FBN3: variants seen among roughly 807,000 people sequenced by gnomAD.
The protein encoded by FBN3 is fibrillin 3, also known as fibrillin-3.
FBN3 carries 234 observed loss-of-function variants against 330.1 expected under a neutral mutation model. The observed-to-expected ratio is 0.71, with a 90% CI of 0.64 to 0.79. FBN3 has a LOEUF of 0.79. FBN3 is among the 30% of genes least tolerant of loss of function. The pLI is 0.00. For synonymous variants in FBN3, 1,458 were observed against 1,517.3 expected, an observed-to-expected ratio of 0.96 and a Z score of 0.91; for missense variants, 3,606 against 3,886.9, an observed-to-expected ratio of 0.93 and a Z score of 1.92.
chr19:8,086,961 C>A, intron 54 of FBN3, 116 bp downstream of exon 54: 1 of 1,316,398 alleles, frequency 7.6e-7, no homozygotes, highest in Non-Finnish European at 1.0e-6. Flanking sequence ...TCGCCTCAGC[C>A]TCCCAAAGTG....
rs903712817 is a variant in FBN3 at position 8,121,545 on chromosome 19, T to C, written c.3083-159A>G. Among the ~76,000 whole-genome samples the C allele has an allele frequency of 1.3e-5, 2 of 151,908 alleles. No homozygotes were observed. Among genetic ancestry groups the C allele is most frequent in the African/African-American group, 4.8e-5 (2 of 41,350 alleles). On this transcript the variant is annotated intron_variant, in intron 24 of 63. Transcript: ENST00000600128. The surrounding 1 kb of genome is among the most constrained non-coding windows in gnomAD (Gnocchi z 4.5). ...CAAGAGGGGAGGCATGATGCAGGCATGATGGGGTGCCGTATGGGGTCATCG... is the reference window on the plus strand; with the variant it reads ...CAAGAGGGGAGGCATGATGCAGGCACGATGGGGTGCCGTATGGGGTCATCG...
intron 55 of FBN3, among the ~76,000 whole-genome samples, chr19:8,085,924 G>A (rs1448937148): frequency 2.0e-5 from 3 of 151,444 alleles, no homozygotes; most frequent in Non-Finnish European, 4.4e-5. Flanking sequence ...TGGGTTGCCC[G>A]TCAGTGCCGC....
At chr19:8,083,800 T>TTTTTCTTTTC (rs1568367142) in intron 56 of FBN3, among the ~76,000 whole-genome samples, 1 of 129,860 alleles carries the variant, frequency 7.7e-6, no homozygotes, top group Non-Finnish European at 1.8e-5. Flanking sequence ...GTCCTACTAT[T>TTTTTCTTTTC]TTTTCTTTTT....
chr19:8,066,360 A>G (rs2081391033), intron 63 of FBN3, 100 bp from the exon 64 acceptor site: 1 of 862,868 alleles, frequency 1.2e-6, no homozygotes, highest in Non-Finnish European at 1.8e-6. Context: ...GATTCTGGCC[A>G]ATCTCTAAAG....
chr19:8,099,015 T>C (rs1165531237), intron 41 of FBN3, among the ~76,000 whole-genome samples: 2 of 152,182 alleles, frequency 1.3e-5, no homozygotes, highest in African/African-American at 4.8e-5. Context: ...CAGCAGATAG[T>C]AACCTGGCCG....
intron 40 of FBN3, among the ~76,000 whole-genome samples, chr19:8,101,353 G>A (rs1277129273): frequency 6.6e-6 from 1 of 152,128 alleles, no homozygotes; most frequent in Non-Finnish European, 1.5e-5. Flanking sequence ...ACAGCTATAA[G>A]CCCCTAGAAG....
chr19:8,096,384 G>A lies in FBN3; in HGVS notation c.5539+60C>T, dbSNP rs73503788. 11,248 of 1,570,594 alleles carry A rather than the reference G, an allele frequency of 7.2e-3. 319 individuals are homozygous for A. The African/African-American group carries it at 0.085, about 12-fold the overall frequency. On this transcript the variant is annotated intron_variant, in intron 44 of 63. Transcript: ENST00000600128. This position sits in a 1 kb window ranked among gnomAD's most constrained non-coding sequence, Gnocchi z 4.6. ...GGACAGAAACACCACTTCCATCCCA[G>A]GGGAGGTTTAGACCCCAGGCAGCCT...
At chr19:8,071,206 A>C (rs2081504548) in intron 63 of FBN3, among the ~76,000 whole-genome samples, 1 of 152,076 alleles carries the variant, frequency 6.6e-6, no homozygotes, top group Admixed American at 6.6e-5. Flanking sequence ...TCTTCAGTTG[A>C]GGGGCAAGCA....
intron 59 of FBN3, among the ~76,000 whole-genome samples, chr19:8,077,408 G>T (rs1043399316): frequency 2.6e-5 from 4 of 151,632 alleles, no homozygotes; most frequent in Admixed American, 1.3e-4. Context: ...GGAGGCCGAG[G>T]CGGGCAGATC....
At chr19:8,098,532 G>A (rs59541369) in intron 41 of FBN3, among the ~76,000 whole-genome samples, 5,555 of 29,466 alleles carry the variant, frequency 0.19, 748 homozygotes, top group African/African-American at 0.44. Flanking sequence ...GGGGGACTGG[G>A]AACAAACTAA....
At chr19:8,089,826 C>A in intron 50 of FBN3, 68 bp downstream of exon 50, 1 of 1,536,738 alleles carries the variant, frequency 6.5e-7, no homozygotes, top group Non-Finnish European at 8.8e-7. Context: ...AACTCAGAGA[C>A]CCAGGCAGTG....
rs1016758746 is a variant in FBN3 at position 8,147,568 on chromosome 19, G to A, written c.-17-71C>T. On this transcript the variant is annotated intron_variant, in intron 1 of 63. Coordinates refer to ENST00000600128, the MANE Select transcript of FBN3 (RefSeq NM_032447.5). ...AGCCATGGGGGACCCAACACAACGA[G>A]GAGGGCAGGGTGGTTGCCAAATGGG... 9.0e-6 allele frequency: 12 copies of A among 1,332,666 alleles called. No homozygotes were observed. The African/African-American group carries it at 1.8e-4, about 20-fold the overall frequency. 82.6% of individuals were successfully genotyped at this position (1,332,666 alleles called of 1,614,324 possible). A position where few individuals can be genotyped will look rare whatever the true frequency, so the allele number is the denominator to read the frequency against.
At chr19:8,098,911 G>T (rs2082268492) in intron 41 of FBN3, among the ~76,000 whole-genome samples, 1 of 152,204 alleles carries the variant, frequency 6.6e-6, no homozygotes, top group South Asian at 2.1e-4. Flanking sequence ...CCATCAGTGG[G>T]GGACTGGAAA....
chr19:8,096,839 C>G lies in FBN3; in HGVS notation c.5413+42G>C. The G allele has an allele frequency of 2.5e-6, 4 of 1,602,982 alleles. No homozygotes were observed. The highest frequency in any genetic ancestry group is 3.4e-6 in the Non-Finnish European group (4 of 1,176,188). On this transcript the variant is annotated intron_variant, in intron 43 of 63. Coordinates refer to ENST00000600128, the MANE Select transcript of FBN3 (RefSeq NM_032447.5). The surrounding 1 kb of genome is among the most constrained non-coding windows in gnomAD (Gnocchi z 4.6). ...ACCCCATCTAAGTCCCCATGGGTGA[C>G]AGAGCCCAGCTCCCTCACCTCCTCC...
Position 8,117,174 on chromosome 19 carries a change from C to A in FBN3, c.3581G>T (p.Cys1194Phe), listed in dbSNP as rs143020220. Residue 1194 changes from cysteine to phenylalanine, a missense_variant, in exon 28 of 64, where the codon TGT becomes TTT. Physicochemically the swap from Cys to Phe is radical, Grantham distance 205 (BLOSUM62 -2). Coordinates refer to ENST00000600128, the MANE Select transcript of FBN3 (RefSeq NM_032447.5). ...AAGAAGTTGTGCCCACCTACCTGCA[C>A]ATGCCCTTCCGTCGGGCATCAGCGA... ...GYSLMPDGRA[C>F]ADVDECEENP... The A allele has an allele frequency of 5.8e-5, 94 of 1,613,974 alleles. No homozygotes were observed. The Admixed American group carries it at 1.5e-3, about 25-fold the overall frequency.
intron 24 of FBN3, among the ~76,000 whole-genome samples, 162 bp downstream of exon 24, chr19:8,123,302 C>T (rs992788126): frequency 6.6e-6 from 1 of 151,662 alleles, no homozygotes; most frequent in Non-Finnish European, 1.5e-5. Flanking sequence ...TGCAGTGAGC[C>T]GAGATCGTGC....
chr19:8,119,854 ACT>A (rs1232959850), intron 25 of FBN3, among the ~76,000 whole-genome samples: 1 of 78,588 alleles, frequency 1.3e-5, no homozygotes, highest in East Asian at 3.7e-4. Flanking sequence ...AGATTTTCAC[ACT>A]GTTACCCAGC....
Position 8,113,174 on chromosome 19 carries a change from C to T in FBN3, c.3839-1075G>A, listed in dbSNP as rs187365139. 3.4e-3 allele frequency among the ~76,000 whole-genome samples: 516 copies of T among 152,312 alleles called. 1 individual carries two copies. Among genetic ancestry groups the T allele is most frequent in the Non-Finnish European group, 5.5e-3 (374 of 68,030 alleles). ...GATGCAATGGCTTACACCTGTAATCCCAACTACTTGGGAGGCCAAGGTGGG... is the reference window on the plus strand; with the variant it reads ...GATGCAATGGCTTACACCTGTAATCTCAACTACTTGGGAGGCCAAGGTGGG... On this transcript the variant is annotated intron_variant, in intron 30 of 63. Coordinates refer to ENST00000600128, the MANE Select transcript of FBN3 (RefSeq NM_032447.5).
chr19:8,134,663 A>G (rs1156802207), intron 13 of FBN3, among the ~76,000 whole-genome samples: 1 of 152,052 alleles, frequency 6.6e-6, no homozygotes, highest in Non-Finnish European at 1.5e-5. Context: ...GCCGGGCGCA[A>G]TGGCTCACGC....
Sources: allele counts gnomAD v4.1 joint callset (sites outside exome capture counted in the v4.1 genomes callset), GRCh38; gene constraint gnomAD v4.1.1; non-coding constraint Gnocchi (gnomAD v3.1); transcripts MANE v1.5; gene names NCBI Gene and HGNC (gene_info 2026-07-23, HGNC 2026-07-21).